Variants in PIK3C3 observed in about 807,000 individuals in gnomAD.
PIK3C3 encodes PI3-kinase type 3.
PIK3C3 carries 95 observed loss-of-function variants against 126.1 expected under a neutral mutation model. The ratio of observed to expected loss-of-function variants is 0.75; its 90% CI spans 0.64 to 0.89. The LOEUF (loss-of-function observed/expected upper bound fraction) is 0.89, where lower values mean the gene tolerates loss of function less well. Among genes scored for constraint, PIK3C3 ranks in the 40% least tolerant of loss-of-function variants. PIK3C3 has a pLI of 0.00. For missense variants in PIK3C3, 829 were observed against 1,063.2 expected (o/e 0.78, Z 3.06); for synonymous variants, 374 against 360.0 (o/e 1.04, Z -0.44).
At chr18:42,076,189 TATGCACAC>T (rs1986019627) in intron 24 of PIK3C3, among the ~76,000 whole-genome samples, 1 of 118,312 alleles carries the variant, frequency 8.5e-6, no homozygotes, top group African/African-American at 4.0e-5. Flanking sequence ...CACATATATA[TATGCACAC>T]ATATATATAT....
chr18:42,044,911 T>G (rs980512852), intron 20 of PIK3C3, among the ~76,000 whole-genome samples: 1 of 152,216 alleles, frequency 6.6e-6, no homozygotes, highest in Non-Finnish European at 1.5e-5. Context: ...AAGAGGGCTT[T>G]CTAGTTAGTT....
At chr18:42,052,796 A>G (rs1194670334) in intron 21 of PIK3C3, 2 of 152,210 alleles carry the variant, frequency 1.3e-5, no homozygotes, top group Admixed American at 6.5e-5. Context: ...CTCGACTGTC[A>G]TGAAGACTTG....
intron 12 of PIK3C3, among the ~76,000 whole-genome samples, chr18:42,019,806 A>T (rs1351246514): frequency 1.3e-5 from 2 of 152,226 alleles, no homozygotes; most frequent in South Asian, 4.1e-4. Flanking sequence ...TCAAAATACA[A>T]CTATTTCCTC....
At chr18:42,008,357 G>T (rs1217261249) in intron 10 of PIK3C3, among the ~76,000 whole-genome samples, 1 of 152,122 alleles carries the variant, frequency 6.6e-6, no homozygotes, top group African/African-American at 2.4e-5. Flanking sequence ...GGTAGAGAAA[G>T]CAATATGAGC....
At chr18:42,059,224 A>G (rs1011426343) in intron 22 of PIK3C3, among the ~76,000 whole-genome samples, 2 of 152,310 alleles carry the variant, frequency 1.3e-5, no homozygotes, top group African/African-American at 2.4e-5. Flanking sequence ...TTTTCCATGT[A>G]TCACAAACCT....
intron 2 of PIK3C3, among the ~76,000 whole-genome samples, chr18:41,959,151 A>G (rs1979947574): frequency 6.6e-6 from 1 of 152,170 alleles, no homozygotes; most frequent in Admixed American, 6.5e-5. Context: ...GAGGTCACCT[A>G]TTACTCTCAG....
intron 4 of PIK3C3, among the ~76,000 whole-genome samples, chr18:41,979,874 C>CATTATTATTAGTATT (rs1555672706): frequency 7.5e-6 from 1 of 132,742 alleles, no homozygotes; most frequent in South Asian, 2.3e-4. Flanking sequence ...GGAATCATGC[C>CATTATTATTAGTATT]ATTATTATTA....
chr18:42,017,323 T>C (rs758484643), intron 12 of PIK3C3, among the ~76,000 whole-genome samples: 1 of 152,144 alleles, frequency 6.6e-6, no homozygotes, highest in East Asian at 1.9e-4. Flanking sequence ...GAGAACATTA[T>C]ACGTGTCTGG....
intron 24 of PIK3C3, among the ~76,000 whole-genome samples, chr18:42,075,353 C>G (rs1021017620): frequency 2.0e-5 from 3 of 152,012 alleles, no homozygotes; most frequent in Non-Finnish European, 4.4e-5. Context: ...GATTCCCTTA[C>G]CAGTGGCTTA....
At chr18:41,965,492 CAACCTGTGTT>C (rs1475632757) in intron 3 of PIK3C3, among the ~76,000 whole-genome samples, 1 of 152,126 alleles carries the variant, frequency 6.6e-6, no homozygotes, top group Non-Finnish European at 1.5e-5. Context: ...CAGTAATAAT[CAACCTGTGTT>C]TAAGAACCAT....
At chr18:42,049,649 A>G (rs1984708502) in intron 21 of PIK3C3, 44 bp downstream of exon 21, 3 of 1,409,074 alleles carry the variant, frequency 2.1e-6, no homozygotes, top group South Asian at 1.2e-5. Context: ...GTATATGCCC[A>G]TGGTTTTTAC....
intron 21 of PIK3C3, among the ~76,000 whole-genome samples, chr18:42,053,723 T>C (rs1274538943): frequency 6.6e-6 from 1 of 152,118 alleles, no homozygotes; most frequent in African/African-American, 2.4e-5. Context: ...GAAAGGTTAA[T>C]TTTTTTGTTT....
At chr18:41,999,750 T>A (rs1982194629) in intron 9 of PIK3C3, among the ~76,000 whole-genome samples, 1 of 152,262 alleles carries the variant, frequency 6.6e-6, no homozygotes, top group Non-Finnish European at 1.5e-5. Flanking sequence ...ATAATATAAA[T>A]GTGGAGGATG....
At chr18:42,062,743 A>G (rs1261282618) in intron 22 of PIK3C3, among the ~76,000 whole-genome samples, 2 of 151,984 alleles carry the variant, frequency 1.3e-5, no homozygotes, top group African/African-American at 4.8e-5. Flanking sequence ...CATCTCTACT[A>G]AAAATCTAGT....
chr18:42,016,780 TC>T (rs1983094275), intron 12 of PIK3C3, among the ~76,000 whole-genome samples: 1 of 152,020 alleles, frequency 6.6e-6, no homozygotes, highest in Non-Finnish European at 1.5e-5. Context: ...GAAGATTGGA[TC>T]CAGGAGAGAA....
chr18:42,051,969 T>TATA (rs536538022), intron 21 of PIK3C3, among the ~76,000 whole-genome samples: 1 of 151,074 alleles, frequency 6.6e-6, no homozygotes. Flanking sequence ...AAACTTAAAG[T>TATA]ATAATAATAA....
intron 24 of PIK3C3, among the ~76,000 whole-genome samples, chr18:42,076,059 T>A (rs1026238196): frequency 4.3e-5 from 6 of 139,288 alleles, no homozygotes; most frequent in African/African-American, 1.6e-4. Flanking sequence ...CGTGTGCAGT[T>A]TCTCCATCAG....
chr18:41,988,639 TAGAA>T (rs1396544170), intron 5 of PIK3C3, among the ~76,000 whole-genome samples: 12 of 152,134 alleles, frequency 7.9e-5, no homozygotes, highest in East Asian at 1.9e-4. Flanking sequence ...TTTCAGCAGG[TAGAA>T]AGAGAGAAGT....
At chr18:42,042,649 T>A (rs1031394903) in intron 19 of PIK3C3, among the ~76,000 whole-genome samples, 1 of 152,344 alleles carries the variant, frequency 6.6e-6, no homozygotes, top group South Asian at 2.1e-4. Context: ...TTTTATAAAA[T>A]GAAAACAGTG....
Sources: gnomAD v4.1 joint callset for allele counts (sites outside exome capture counted in the v4.1 genomes callset) on GRCh38, gnomAD v4.1.1 for gene constraint, MANE v1.5 for transcripts, NCBI Gene and HGNC (gene_info 2026-07-23, HGNC 2026-07-21) for gene names.